The following PAM variants were observed in gnomAD, a reference collection of about 807,000 sequenced individuals.
The protein encoded by PAM is peptidyl-glycine alpha-amidating monooxygenase.
In PAM, 72 loss-of-function variants were observed where a neutral mutation model predicts 122.1. The observed-to-expected ratio is 0.59, with a 90% confidence interval of 0.49 to 0.72. The LOEUF is 0.72. Among genes scored for constraint, PAM ranks in the 30% least tolerant of loss-of-function variants. The pLI, the probability that PAM is intolerant of heterozygous loss-of-function variation, is 0.00. For synonymous variants in PAM, 389 were observed against 404.4 expected, an observed-to-expected ratio of 0.96 and a Z score of 0.46; for missense variants, 1,106 against 1,183.7, an observed-to-expected ratio of 0.93 and a Z score of 0.96.
At chr5:102,848,264 A>G (rs1366816980) in intron 1 of PAM, among the ~76,000 whole-genome samples, 1 of 150,994 alleles carries the variant, frequency 6.6e-6, no homozygotes, top group African/African-American at 2.4e-5. Flanking sequence ...CTTTCTCCTG[A>G]TTATTTTGGG....
intron 14 of PAM, among the ~76,000 whole-genome samples, chr5:102,961,458 T>C (rs1164086937): frequency 6.6e-6 from 1 of 151,938 alleles, no homozygotes; most frequent in Non-Finnish European, 1.5e-5. Flanking sequence ...TTTTCTGTCT[T>C]TGTTTTACTT....
intron 11 of PAM, among the ~76,000 whole-genome samples, chr5:102,950,416 G>GTGTGTGTGTGTGTGTGTGTGT (rs1758418594): frequency 2.7e-5 from 4 of 146,062 alleles, no homozygotes; most frequent in African/African-American, 1.0e-4. Flanking sequence ...TATGTGGGTG[G>GTGTGTGTGTGTGTGTGTGTGT]GTGTGTGTGT....
intron 1 of PAM, among the ~76,000 whole-genome samples, chr5:102,791,258 G>A (rs758122710): frequency 2.6e-5 from 4 of 152,040 alleles, no homozygotes; most frequent in Non-Finnish European, 4.4e-5. Flanking sequence ...GTAGAAGAGT[G>A]TGGATATTTT....
At chr5:102,919,412 A>G (rs1356197541) in intron 5 of PAM, among the ~76,000 whole-genome samples, 1 of 152,046 alleles carries the variant, frequency 6.6e-6, no homozygotes, top group African/African-American at 2.4e-5. Context: ...CAGTATTTGC[A>G]TATGCTGTCT....
Position 102,790,123 on chromosome 5 carries a change from G to A in PAM, c.-374+34775G>A, listed in dbSNP as rs796142196. ...GTTTATTCAGGAAATTATAGACATAGCTTCATGTGCAAAATAATCAGCTTA... is the reference window on the plus strand; with the variant it reads ...GTTTATTCAGGAAATTATAGACATAACTTCATGTGCAAAATAATCAGCTTA... On this transcript the variant is annotated intron_variant, in intron 1 of 25. Transcript: ENST00000438793. 4.4e-4 allele frequency among the ~76,000 whole-genome samples: 67 copies of A among 152,138 alleles called. 1 individual carries two copies. Among genetic ancestry groups the A allele is most frequent in the African/African-American group, 1.6e-3 (65 of 41,544 alleles).
intron 3 of PAM, among the ~76,000 whole-genome samples, chr5:102,897,449 A>C (rs1796530113): frequency 6.6e-6 from 1 of 151,644 alleles, no homozygotes; most frequent in Non-Finnish European, 1.5e-5. Flanking sequence ...TACATGGTGA[A>C]ATTATTACTA....
intron 1 of PAM, among the ~76,000 whole-genome samples, chr5:102,801,904 G>A (rs1389238667): frequency 9.0e-5 from 13 of 144,552 alleles, no homozygotes; most frequent in East Asian, 2.1e-4. Context: ...TCAGCCTCCC[G>A]AGTAGCTGGG....
At chr5:102,815,630 G>A (rs191009561) in intron 1 of PAM, among the ~76,000 whole-genome samples, 2 of 152,034 alleles carry the variant, frequency 1.3e-5, no homozygotes, top group Admixed American at 1.3e-4. Context: ...GAAAAAACTT[G>A]TGCTTCCTAA....
At chr5:102,899,275 T>G (rs1371113786) in intron 3 of PAM, among the ~76,000 whole-genome samples, 1 of 151,668 alleles carries the variant, frequency 6.6e-6, no homozygotes, top group African/African-American at 2.4e-5. Flanking sequence ...ATAGTATGGA[T>G]CTGATGAATT....
At chr5:102,869,292 G>C (rs1786601277) in intron 3 of PAM, among the ~76,000 whole-genome samples, 1 of 152,224 alleles carries the variant, frequency 6.6e-6, no homozygotes, top group Non-Finnish European at 1.5e-5. Flanking sequence ...TTGCATGTGA[G>C]CAGTAGGCTT....
intron 16 of PAM, among the ~76,000 whole-genome samples, chr5:102,998,051 T>A (rs1716987915): frequency 6.6e-6 from 1 of 152,224 alleles, no homozygotes; most frequent in East Asian, 1.9e-4. Context: ...GTTTACACTT[T>A]GAAATATTTG....
chr5:102,790,650 G>A (rs986809101), intron 1 of PAM, among the ~76,000 whole-genome samples: 1 of 151,970 alleles, frequency 6.6e-6, no homozygotes, highest in Non-Finnish European at 1.5e-5. Flanking sequence ...ATTTCTGTGG[G>A]CATAGAATCA....
chr5:103,021,067 C>G (rs1321514277), intron 23 of PAM, among the ~76,000 whole-genome samples: 1 of 152,092 alleles, frequency 6.6e-6, no homozygotes, highest in Non-Finnish European at 1.5e-5. Context: ...ACTTACAGAG[C>G]AGAAACAATG....
intron 3 of PAM, among the ~76,000 whole-genome samples, chr5:102,892,057 T>C (rs1356104171): frequency 6.6e-6 from 1 of 151,786 alleles, no homozygotes; most frequent in East Asian, 1.9e-4. Flanking sequence ...GATGGGCATG[T>C]GGTATAATTC....
At chr5:102,987,280 G>T (rs905596404) in intron 15 of PAM, among the ~76,000 whole-genome samples, 24 of 152,088 alleles carry the variant, frequency 1.6e-4, no homozygotes, top group African/African-American at 5.6e-4. Context: ...TATATTAAGT[G>T]AAATAAGCCA....
intron 1 of PAM, among the ~76,000 whole-genome samples, chr5:102,819,253 T>C (rs1030966365): frequency 4.6e-5 from 7 of 152,132 alleles, no homozygotes; most frequent in Non-Finnish European, 7.4e-5. Context: ...CCAGAATACA[T>C]TCATTTATGA....
At chr5:102,946,791 T>G in intron 7 of PAM, 46 bp from the exon 8 acceptor site, 1 of 1,176,108 alleles carries the variant, frequency 8.5e-7, no homozygotes, top group Non-Finnish European at 1.3e-6. Flanking sequence ...AAATCCATTT[T>G]CTACATTATC....
chr5:102,971,359 T>C (rs927777284), intron 14 of PAM, among the ~76,000 whole-genome samples: 19 of 152,226 alleles, frequency 1.2e-4, no homozygotes, highest in Admixed American at 7.9e-4. Flanking sequence ...TCACTATCTT[T>C]ATTAAGTTAA....
intron 5 of PAM, among the ~76,000 whole-genome samples, chr5:102,914,720 G>A (rs1327637333): frequency 6.6e-6 from 1 of 152,042 alleles, no homozygotes; most frequent in African/African-American, 2.4e-5. Flanking sequence ...GATTCAGTAA[G>A]TTGTTTACGG....
Sources: gnomAD v4.1 joint callset for allele counts (sites outside exome capture counted in the v4.1 genomes callset) on GRCh38, gnomAD v4.1.1 for gene constraint, MANE v1.5 for transcripts, NCBI Gene and HGNC (gene_info 2026-07-23, HGNC 2026-07-21) for gene names.